CAND1: variants seen among roughly 807,000 people sequenced by gnomAD.
CAND1 encodes cullin associated and neddylation dissociated 1, also known as cullin-associated NEDD8-dissociated protein 1.
A neutral mutation model predicts 108.5 loss-of-function variants in CAND1; 7 were observed. The observed-to-expected ratio is 0.06, with a 90% CI of 0.04 to 0.12. The LOEUF is 0.12. Ranked by LOEUF, CAND1 falls within the 10% of genes least tolerant of loss-of-function variation. The pLI is 1.00. For missense variants in CAND1, 941 were observed against 1,448.7 expected (o/e 0.65, Z 5.69); for synonymous variants, 534 against 512.0 (o/e 1.04, Z -0.58).
Position 67,317,702 on chromosome 12 carries a change from C to G in CAND1, c.*4872C>G, listed in dbSNP as rs1212540869. ...TTTGCCATGTTGGCCAGGCTGGTTTCAAACTCCTGATCTTAGGTGATACAC... is the reference window on the plus strand; with the variant it reads ...TTTGCCATGTTGGCCAGGCTGGTTTGAAACTCCTGATCTTAGGTGATACAC... On this transcript the variant is annotated 3_prime_UTR_variant, in exon 15 of 15. Transcript: ENST00000545606. 1.3e-5 allele frequency: 2 copies of G among 152,188 alleles called. No homozygotes were observed. The highest frequency in any genetic ancestry group is 2.4e-5 in the African/African-American group (1 of 41,404). 9.4% of individuals were successfully genotyped at this position (152,188 alleles called of 1,614,324 possible).
chr12:67,297,793 A>G lies in CAND1; in HGVS notation c.794A>G (p.Asn265Ser), dbSNP rs200378630. 7.9e-5 allele frequency: 128 copies of G among 1,610,088 alleles called. No homozygotes were observed. The East Asian group carries it at 2.0e-3, about 26-fold the overall frequency. Residue 265 changes from asparagine to serine, a missense_variant, in exon 6 of 15, where the codon AAT (asparagine) becomes AGT (serine). Physicochemically the swap from Asn to Ser is conservative, Grantham distance 46 (BLOSUM62 1). This residue lies in a region of CAND1 where 697 missense variants were observed against 942.0 expected (regional missense o/e 0.74). Coordinates refer to ENST00000545606, the MANE Select transcript of CAND1 (RefSeq NM_018448.5). ...KIIPLVVKFC[N>S]VDDDELREYC... ...ATTCCTTTGGTGGTAAAATTTTGCA[A>G]TGTAGATGATGATGAATTAAGAGAG...
chr12:67,318,275 T>G lies in CAND1; in HGVS notation c.*5445T>G, dbSNP rs901845892. Reference sequence around the variant, plus strand: ...CAGCCTGGGTGACAAAGCGAGACCCTGTCTCAAAAAAAACAAGGACTCTAC... The same window carrying G: ...CAGCCTGGGTGACAAAGCGAGACCCGGTCTCAAAAAAAACAAGGACTCTAC... On this transcript the variant is annotated 3_prime_UTR_variant, in exon 15 of 15. Transcript: ENST00000545606. The G allele has an allele frequency of 5.3e-5, 8 of 152,344 alleles. No individual in the cohort carries two copies. The highest frequency in any genetic ancestry group is 7.3e-5 in the Non-Finnish European group (5 of 68,070). 9.4% of individuals were successfully genotyped at this position (152,344 alleles called of 1,614,324 possible). A position where few individuals can be genotyped will look rare whatever the true frequency, so the allele number is the denominator to read the frequency against.
rs1380922872 is a variant in CAND1 at position 67,295,093 on chromosome 12, C to A, written c.428C>A (p.Ala143Glu). ...ACTGGACGTCTTACAAGTGCAATAG[C>A]AAAACAGGAAGATGTCTCTGTTCAG... is the stretch of plus-strand genomic sequence containing the variant. ...KITGRLTSAI[A>E]KQEDVSVQLE... Residue 143 changes from alanine (A) to glutamate (E), a missense_variant, in exon 4 of 15, where the codon GCA (alanine) becomes GAA (glutamate). Coordinates refer to ENST00000545606, the MANE Select transcript of CAND1 (RefSeq NM_018448.5). The A allele has an allele frequency of 1.9e-6, 3 of 1,612,924 alleles. No individual in the cohort carries two copies. The highest frequency in any genetic ancestry group is 2.5e-6 in the Non-Finnish European group (3 of 1,179,318).
intron 2 of CAND1, among the ~76,000 whole-genome samples, chr12:67,288,784 A>C (rs75755928): frequency 6.6e-6 from 1 of 152,158 alleles, no homozygotes; most frequent in African/African-American, 2.4e-5. Flanking sequence ...CAGTTGGGCT[A>C]TGTAGGCCTG....
At position 67,310,171 on chromosome 12, in the gene CAND1, A is replaced by T; in HGVS notation, c.3215A>T (p.Lys1072Ile). ...LIREVEMGPF[K>I]HTVDDGLDIR... ...TAACAGGTAGAAATGGGTCCATTTA[A>T]ACATACGGTTGATGATGGTCTGGAT... The change falls in exon 13 of 15, where the codon AAA (lysine) becomes ATA (isoleucine). Residue 1072 changes from lysine (K) to isoleucine (I), a missense_variant. Physicochemically the swap from Lys to Ile is moderately radical, Grantham distance 102. Coordinates refer to ENST00000545606, the MANE Select transcript of CAND1 (RefSeq NM_018448.5). 1 of 1,613,010 alleles carries T rather than the reference A, an allele frequency of 6.2e-7. No individual in the cohort carries two copies. Among genetic ancestry groups the T allele is most frequent in the Non-Finnish European group, 8.5e-7 (1 of 1,179,302 alleles).
In CAND1 at chr12:67,306,145, A is replaced by G. The variant is rs778639056; in HGVS notation, c.2477A>G (p.Lys826Arg). Residue 826 changes from lysine to arginine, a missense_variant, in exon 10 of 15, where the codon AAG (lysine) becomes AGG (arginine). Lys to Arg is a conservative substitution (Grantham distance 26). Around this residue, in one of 9 missense-constraint regions of CAND1, gnomAD observed 697 missense variants for 942.0 expected, o/e 0.74. Transcript: ENST00000545606. ...AVVGQFIQDV[K>R]NSRSTDSIRL... ...GTAGGTCAGTTTATTCAAGATGTCAAGAACTCAAGGTCTACAGATTCCATT... is the reference window on the plus strand; with the variant it reads ...GTAGGTCAGTTTATTCAAGATGTCAGGAACTCAAGGTCTACAGATTCCATT... 3.7e-6 allele frequency: 6 copies of G among 1,614,032 alleles called. No homozygotes were observed. In the Admixed American group the frequency reaches 5.0e-5, roughly 13 times the overall value.
chr12:67,281,197 A>G (rs1369190527), intron 1 of CAND1, among the ~76,000 whole-genome samples: 2 of 151,808 alleles, frequency 1.3e-5, no homozygotes, highest in Admixed American at 1.3e-4. Context: ...GGGCGTGGTG[A>G]CAGGCGCCTG....
intron 11 of CAND1, 51 bp downstream of exon 11, chr12:67,307,543 A>C: frequency 5.2e-5 from 61 of 1,170,574 alleles, no homozygotes; most frequent in Non-Finnish European, 7.3e-5. Flanking sequence ...TAGAATTCTC[A>C]AGAAACTCTT....
Position 67,312,934 on chromosome 12 carries a change from G to T in CAND1, c.*104G>T. On this transcript the variant is annotated 3_prime_UTR_variant, in exon 15 of 15. Transcript: ENST00000545606. ...GAGAAGTGTCTAAAAGCTTCAAAAT[G>T]TTCCACTTTTTTTTCCTTCATGGAG... The T allele has an allele frequency of 1.4e-6, 1 of 721,476 alleles. No homozygotes were observed. Among genetic ancestry groups the T allele is most frequent in the South Asian group, 2.5e-5 (1 of 39,712 alleles). 44.7% of individuals were successfully genotyped at this position (721,476 alleles called of 1,614,324 possible).
intron 3 of CAND1, chr12:67,292,984 A>G (rs1053942885): frequency 4.1e-6 from 2 of 492,418 alleles, no homozygotes; most frequent in African/African-American, 2.0e-5. Flanking sequence ...TTGAACTTGT[A>G]TGTAATATGA....
rs2045006109 is a variant in CAND1, at chr12:67,316,209, T to C, written c.*3379T>C. 6.6e-6 allele frequency: 1 copy of C among 152,242 alleles called. No homozygotes were observed. Among genetic ancestry groups the C allele is most frequent in the Non-Finnish European group, 1.5e-5 (1 of 68,038 alleles). 9.4% of individuals were successfully genotyped at this position (152,242 alleles called of 1,614,324 possible). A position where few individuals can be genotyped will look rare whatever the true frequency, so the allele number is the denominator to read the frequency against. ...AATTGACAGTATGGTAATAGTTTATTGACTGATTGGACAAAGGATATTCTG... is the reference window on the plus strand; with the variant it reads ...AATTGACAGTATGGTAATAGTTTATCGACTGATTGGACAAAGGATATTCTG... On this transcript the variant is annotated 3_prime_UTR_variant, in exon 15 of 15. Transcript: ENST00000545606.
In CAND1 at chr12:67,297,678, A is replaced by C. The variant is rs201065344; in HGVS notation, c.748+15A>C. The C allele has an allele frequency of 5.0e-6, 8 of 1,600,068 alleles. No homozygotes were observed. The East Asian group carries it at 1.8e-4, about 36-fold the overall frequency. ...TCATAGAATAGGTAAGAAATCTTTA[A>C]AAGTTTTACAGTTTTCTTTAATTAA... On this transcript the variant is annotated intron_variant, in intron 5 of 14. Coordinates refer to ENST00000545606, the MANE Select transcript of CAND1 (RefSeq NM_018448.5).
Position 67,307,414 on chromosome 12 carries a change from A to C in CAND1, c.2947A>C (p.Ser983Arg), listed in dbSNP as rs1565729240. 1 of 1,611,396 alleles carries C rather than the reference A, an allele frequency of 6.2e-7. No individual in the cohort carries two copies. The highest frequency in any genetic ancestry group is 8.5e-7 in the Non-Finnish European group (1 of 1,178,428). The change falls in exon 11 of 15, where the codon AGC becomes CGC. Residue 983 changes from serine to arginine, a missense_variant. This residue lies in a region of CAND1 where 106 missense variants were observed against 182.0 expected (regional missense o/e 0.58). Coordinates refer to ENST00000545606, the MANE Select transcript of CAND1 (RefSeq NM_018448.5). ...TTAACTAGGCTCATCATATGCCCGA[A>C]GCTCAGTGGTTACGGCTGTGAAATT... ...YLISGSSYAR[S>R]SVVTAVKFTI...
At chr12:67,290,922 T>TG (rs1384073613) in intron 2 of CAND1, among the ~76,000 whole-genome samples, 3 of 151,834 alleles carry the variant, frequency 2.0e-5, no homozygotes, top group Non-Finnish European at 2.9e-5. Context: ...CGAACCCTAT[T>TG]GTAAACTGTG....
chr12:67,297,369 C>G (rs761153807), intron 4 of CAND1, 38 bp from the exon 5 acceptor site: 23 of 1,585,258 alleles, frequency 1.5e-5, no homozygotes, highest in Admixed American at 1.2e-4. Flanking sequence ...ATCTTGAATT[C>G]ATTTGTTGTT....
At position 67,305,225 on chromosome 12, in the gene CAND1, T is replaced by A. The variant is rs752481511; in HGVS notation, c.1557T>A (p.Ala519=). The A allele has an allele frequency of 4.3e-6, 7 of 1,614,200 alleles. No individual in the cohort carries two copies. The highest frequency in any genetic ancestry group is 5.1e-6 in the Non-Finnish European group (6 of 1,180,036). ...AAGTCTTCCATCCTCACGTTCAGGC[T>A]TTGGTTCCTCCAGTGGTGGCTTGTG... The part of the protein sequence containing the change: ...SPQVFHPHVQ[A]LVPPVVACVG... Residue 519 remains alanine, a synonymous_variant, in exon 10 of 15, where the codon GCT becomes GCA. Transcript: ENST00000545606. The surrounding 1 kb of genome is among the most constrained non-coding windows in gnomAD (Gnocchi z 4.4).
intron 3 of CAND1, 56 bp from the exon 4 acceptor site, chr12:67,294,977 A>C: frequency 6.4e-7 from 1 of 1,573,960 alleles, no homozygotes; most frequent in Non-Finnish European, 8.6e-7. Context: ...CCATGAATAT[A>C]AGAGGGAATT....
In CAND1 at chr12:67,316,931, T is replaced by G. The variant is rs1015138743; in HGVS notation, c.*4101T>G. The stretch of plus-strand genomic sequence containing the variant: ...TGGGAGGCCAAGGTGGGGGATCACT[T>G]GAAGACAGGAGTTGGAGACCAGCTC... On this transcript the variant is annotated 3_prime_UTR_variant, in exon 15 of 15. Transcript: ENST00000545606. The G allele has an allele frequency of 2.6e-5, 4 of 152,148 alleles. No individual in the cohort carries two copies. The highest frequency in any genetic ancestry group is 2.6e-4 in the Admixed American group (4 of 15,274). 9.4% of individuals were successfully genotyped at this position (152,148 alleles called of 1,614,324 possible). A position where few individuals can be genotyped will look rare whatever the true frequency, so the allele number is the denominator to read the frequency against.
intron 2 of CAND1, among the ~76,000 whole-genome samples, chr12:67,284,697 C>G (rs1464920062): frequency 6.9e-6 from 1 of 145,288 alleles, no homozygotes; most frequent in East Asian, 2.0e-4. Context: ...AAAGAGTACA[C>G]ATGCATGTAC....
Sources: allele counts gnomAD v4.1 joint callset (sites outside exome capture counted in the v4.1 genomes callset), GRCh38; gene constraint gnomAD v4.1.1; regional missense constraint gnomAD v4.1.1; non-coding constraint Gnocchi (gnomAD v3.1); transcripts MANE v1.5; gene names NCBI Gene and HGNC (gene_info 2026-07-23, HGNC 2026-07-21).